Variants in MLLT10 observed in about 807,000 individuals in gnomAD.
MLLT10 encodes MLLT10 histone lysine methyltransferase DOT1L cofactor.
MLLT10 carries 30 observed loss-of-function variants against 129.1 expected under a neutral mutation model. The observed-to-expected ratio is 0.23, with a 90% CI of 0.17 to 0.32. MLLT10 has a LOEUF of 0.32. Ranked by LOEUF, MLLT10 falls within the 10% of genes least tolerant of loss-of-function variation. The pLI is 1.00. For synonymous variants in MLLT10, 490 were observed against 446.4 expected, an observed-to-expected ratio of 1.10 and a Z score of -1.23; for missense variants, 1,119 against 1,268.3, an observed-to-expected ratio of 0.88 and a Z score of 1.79.
At chr10:21,577,153 C>T (rs557735574) in intron 3 of MLLT10, among the ~76,000 whole-genome samples, 1 of 152,308 alleles carries the variant, frequency 6.6e-6, no homozygotes. Context: ...TGGCTTCTTT[C>T]TCCTAGCATA....
Position 21,704,018 on chromosome 10 carries a change from T to TTTG in MLLT10, c.1700-9752_1700-9751insGTT, listed in dbSNP as rs1589727782. ...ATTTTGGATTTCGATTGTTTTTTGT[T>TTTG]TTTTTTTTTTTTTTTTTTTTTGATG... is the stretch of plus-strand genomic sequence containing the variant. On this transcript the variant is annotated intron_variant, in intron 13 of 22. Transcript: ENST00000307729. Among the ~76,000 whole-genome samples, 4 of 113,428 alleles carry TTTG rather than the reference T, an allele frequency of 3.5e-5. No homozygotes were observed. The East Asian group carries it at 9.7e-4, about 28-fold the overall frequency. 74.4% of individuals were successfully genotyped at this position (113,428 alleles called of 152,430 possible).
At chr10:21,571,385 C>T (rs1406731592) in intron 3 of MLLT10, among the ~76,000 whole-genome samples, 3 of 152,212 alleles carry the variant, frequency 2.0e-5, no homozygotes, top group Non-Finnish European at 4.4e-5. Flanking sequence ...CCTTGGCCTC[C>T]TTGGACTTCC....
intron 8 of MLLT10, among the ~76,000 whole-genome samples, chr10:21,633,789 A>T (rs776049725): frequency 1.8e-4 from 27 of 152,224 alleles, no homozygotes; most frequent in Non-Finnish European, 1.2e-4. Context: ...TTGATTCTAT[A>T]TAGCCACAAT....
At chr10:21,689,987 G>GT (rs2053701773) in intron 13 of MLLT10, among the ~76,000 whole-genome samples, 1 of 151,934 alleles carries the variant, frequency 6.6e-6, no homozygotes, top group Admixed American at 6.6e-5. Flanking sequence ...GAAAGGATGG[G>GT]TATTCATTTA....
intron 8 of MLLT10, chr10:21,625,993 A>C: frequency 1.0e-6 from 1 of 955,434 alleles, no homozygotes; most frequent in South Asian, 1.3e-5. Flanking sequence ...TGTTTGGTGG[A>C]GGCCCACCAT....
At chr10:21,665,096 T>A (rs967147878) in intron 9 of MLLT10, among the ~76,000 whole-genome samples, 1 of 150,512 alleles carries the variant, frequency 6.6e-6, no homozygotes, top group East Asian at 2.0e-4. Context: ...CAGGTGTGCA[T>A]CACCATGCCT....
chr10:21,664,719 C>T (rs1382404542), intron 9 of MLLT10, among the ~76,000 whole-genome samples: 1 of 151,928 alleles, frequency 6.6e-6, no homozygotes, highest in African/African-American at 2.4e-5. Flanking sequence ...TTTGTTCTGT[C>T]AGTTATTGTG....
At chr10:21,642,167 A>C (rs2048068493) in intron 8 of MLLT10, among the ~76,000 whole-genome samples, 2 of 151,984 alleles carry the variant, frequency 1.3e-5, no homozygotes, top group African/African-American at 4.8e-5. Context: ...CCTAGCCAAC[A>C]CGGTGAAACC....
chr10:21,727,908 C>CCGAGGAAGTCTCTCG lies in MLLT10; in HGVS notation c.2045_2059dup (p.Arg682_Ser686dup), dbSNP rs746178843. The CCGAGGAAGTCTCTCG allele has an allele frequency of 1.2e-6, 2 of 1,613,912 alleles. No individual in the cohort carries two copies. The highest frequency in any genetic ancestry group is 4.5e-5 in the East Asian group (2 of 44,876). On this transcript the variant is annotated inframe_insertion, in exon 16 of 23. Transcript: ENST00000307729. ...ACCTAGTTGGCAGAGGAAGCTCACC[C>CCGAGGAAGTCTCTCG]CGAGGAAGTCTCTCGCCACGGTAAG...
intron 3 of MLLT10, among the ~76,000 whole-genome samples, chr10:21,584,985 G>A (rs1445380896): frequency 6.6e-6 from 1 of 151,454 alleles, no homozygotes; most frequent in Non-Finnish European, 1.5e-5. Flanking sequence ...TGGCGCAATC[G>A]TGGCTCACTG....
chr10:21,709,264 G>C (rs1339361161), intron 13 of MLLT10, among the ~76,000 whole-genome samples: 2 of 148,912 alleles, frequency 1.3e-5, no homozygotes, highest in Non-Finnish European at 1.5e-5. Flanking sequence ...TTGAGATGGA[G>C]TCTTGCTCTG....
intron 10 of MLLT10, 118 bp downstream of exon 10, chr10:21,670,822 A>G (rs1441025129): frequency 1.7e-6 from 2 of 1,168,264 alleles, no homozygotes; most frequent in Admixed American, 5.7e-5. Context: ...AGATTATTAT[A>G]TGATTAGTTG....
Position 21,735,535 on chromosome 10 carries a change from C to T in MLLT10, c.2955+300C>T, listed in dbSNP as rs567799728. Among the ~76,000 whole-genome samples the T allele has an allele frequency of 2.8e-3, 427 of 152,138 alleles. 1 individual carries two copies. Among genetic ancestry groups the T allele is most frequent in the African/African-American group, 1.0e-2 (413 of 41,490 alleles). ...ACGGGAGATGGATGGACACGATGCA[C>T]GCTTTTTGGTTGTGATAAATACTGA... is the stretch of plus-strand genomic sequence containing the variant. On this transcript the variant is annotated intron_variant, in intron 21 of 22. Transcript: ENST00000307729.
At chr10:21,701,284 A>ATTTTTTT (rs57132583) in intron 13 of MLLT10, among the ~76,000 whole-genome samples, 1 of 123,982 alleles carries the variant, frequency 8.1e-6, no homozygotes, top group Non-Finnish European at 1.7e-5. Flanking sequence ...CATTTCATTG[A>ATTTTTTT]TTTTTTTTTT....
At chr10:21,638,922 T>G (rs763219812) in intron 8 of MLLT10, among the ~76,000 whole-genome samples, 2 of 152,146 alleles carry the variant, frequency 1.3e-5, no homozygotes, top group African/African-American at 2.4e-5. Flanking sequence ...TAAACATAGT[T>G]TCTGGTGCTT....
intron 20 of MLLT10, 81 bp downstream of exon 20, chr10:21,734,210 T>A (rs1181814637): frequency 6.7e-7 from 1 of 1,481,512 alleles, no homozygotes; most frequent in Non-Finnish European, 9.0e-7. Context: ...GGGCTTTCAA[T>A]GTGTTCCTTT....
rs181525642 is a variant in MLLT10, at chr10:21,598,371, A to G, written c.405+2931A>G. ...TGACACAACAGTATAATCTAGGCTC[A>G]TCTTGTGTTATTCCTGCTGTAGTTC... On this transcript the variant is annotated intron_variant, in intron 5 of 22. Coordinates refer to ENST00000307729, the MANE Select transcript of MLLT10 (RefSeq NM_001195626.3). Among the ~76,000 whole-genome samples, 80 of 152,290 alleles carry G rather than the reference A, an allele frequency of 5.3e-4. No homozygotes were observed. In the East Asian group the frequency reaches 7.9e-3, roughly 15 times the overall value.
chr10:21,735,776 GGAAGA>G (rs1354288795), intron 21 of MLLT10, among the ~76,000 whole-genome samples: 8 of 152,154 alleles, frequency 5.3e-5, no homozygotes, highest in African/African-American at 1.9e-4. Context: ...ACTTGTGTTC[GGAAGA>G]GAAGTCAGCA....
At chr10:21,696,603 A>G (rs1188788858) in intron 13 of MLLT10, among the ~76,000 whole-genome samples, 1 of 152,060 alleles carries the variant, frequency 6.6e-6, no homozygotes, top group Non-Finnish European at 1.5e-5. Flanking sequence ...AACATCTTCT[A>G]TTTTAATGTT....
Sources: allele counts gnomAD v4.1 joint callset (sites outside exome capture counted in the v4.1 genomes callset), GRCh38; gene constraint gnomAD v4.1.1; transcripts MANE v1.5; gene names NCBI Gene and HGNC (gene_info 2026-07-23, HGNC 2026-07-21).